LHFPL3: variants seen among roughly 807,000 people sequenced by gnomAD.
LHFPL3 encodes the protein LHFPL tetraspan subfamily member 3.
Under a neutral mutation model 19.3 loss-of-function variants are expected in LHFPL3, and 5 were observed. That is an observed-to-expected ratio of 0.26 (90% CI 0.14 to 0.54). LHFPL3 has a LOEUF of 0.54. Ranked by LOEUF, LHFPL3 falls within the 20% of genes least tolerant of loss-of-function variation. The pLI is 0.94. For missense variants in LHFPL3, 249 were observed against 307.4 expected, an observed-to-expected ratio of 0.81 and a Z score of 1.42; for synonymous variants, 133 against 126.2, an observed-to-expected ratio of 1.05 and a Z score of -0.36.
intron 2 of LHFPL3, among the ~76,000 whole-genome samples, chr7:104,806,183 TCTAA>T (rs1790358967): frequency 6.6e-6 from 1 of 152,246 alleles, no homozygotes; most frequent in African/African-American, 2.4e-5. Context: ...CTCATCTTTA[TCTAA>T]CTGACATTTA....
intron 1 of LHFPL3, among the ~76,000 whole-genome samples, chr7:104,404,619 G>A (rs1321235496): frequency 6.6e-6 from 1 of 152,180 alleles, no homozygotes; most frequent in African/African-American, 2.4e-5. Flanking sequence ...AAGACACACT[G>A]CAGTAGTCCA....
intron 1 of LHFPL3, among the ~76,000 whole-genome samples, chr7:104,694,478 A>G (rs1023580568): frequency 6.6e-6 from 1 of 152,242 alleles, no homozygotes. Flanking sequence ...TCGAATTAGC[A>G]TAGTTAACTC....
At chr7:104,346,336 GTTT>G (rs766835972) in intron 1 of LHFPL3, among the ~76,000 whole-genome samples, 1 of 140,292 alleles carries the variant, frequency 7.1e-6, no homozygotes, top group African/African-American at 2.7e-5. Flanking sequence ...AGTTATCAGG[GTTT>G]TTTTTTTTTT....
intron 1 of LHFPL3, among the ~76,000 whole-genome samples, chr7:104,575,471 T>C (rs1335578962): frequency 6.6e-6 from 1 of 150,864 alleles, no homozygotes; most frequent in Non-Finnish European, 1.5e-5. Context: ...AAAAGTGTTA[T>C]GTGCAATTTT....
At chr7:104,563,679 G>C (rs1171540999) in intron 1 of LHFPL3, among the ~76,000 whole-genome samples, 1 of 152,240 alleles carries the variant, frequency 6.6e-6, no homozygotes, top group South Asian at 2.1e-4. Flanking sequence ...GACCGGAGCT[G>C]TTCCTGTTCG....
At chr7:104,702,129 G>T (rs986057392) in intron 1 of LHFPL3, among the ~76,000 whole-genome samples, 10 of 151,818 alleles carry the variant, frequency 6.6e-5, no homozygotes, top group African/African-American at 1.9e-4. Context: ...TGCAGAGTTT[G>T]GTTTTCTGTT....
At chr7:104,344,014 T>C (rs934192786) in intron 1 of LHFPL3, among the ~76,000 whole-genome samples, 1 of 152,212 alleles carries the variant, frequency 6.6e-6, no homozygotes, top group Non-Finnish European at 1.5e-5. Flanking sequence ...TTGCAAATAC[T>C]AATTAGATTA....
At chr7:104,746,114 C>T (rs903472743) in intron 2 of LHFPL3, among the ~76,000 whole-genome samples, 2 of 152,102 alleles carry the variant, frequency 1.3e-5, no homozygotes, top group Admixed American at 6.5e-5. Flanking sequence ...AGTTTGAGAC[C>T]ACCTTGGCCA....
chr7:104,329,198 T>C lies in LHFPL3; in HGVS notation c.419T>C (p.Ile140Thr), dbSNP rs1405278707. 1.2e-6 allele frequency: 2 copies of C among 1,610,888 alleles called. No homozygotes were observed. Among genetic ancestry groups the C allele is most frequent in the Non-Finnish European group, 1.7e-6 (2 of 1,177,538 alleles). ...FFCNTATVYK[I>T]CAWMQLTSAA... is the part of the protein sequence containing the mutation. ...TGCAACACGGCCACTGTGTACAAGA[T>C]ATGTGCCTGGATGCAGCTCACCTCC... is the stretch of plus-strand genomic sequence containing the variant. Residue 140 changes from isoleucine (I) to threonine (T), a missense_variant, in exon 1 of 3, where the codon ATA (isoleucine) becomes ACA (threonine). Transcript: ENST00000424859.
At chr7:104,687,304 A>C (rs1792825150) in intron 1 of LHFPL3, among the ~76,000 whole-genome samples, 1 of 152,222 alleles carries the variant, frequency 6.6e-6, no homozygotes, top group Admixed American at 6.5e-5. Flanking sequence ...CCTCTCTGGG[A>C]GGACCACCCT....
chr7:104,490,289 G>A (rs1793317047), intron 1 of LHFPL3, among the ~76,000 whole-genome samples: 2 of 152,030 alleles, frequency 1.3e-5, no homozygotes, highest in African/African-American at 4.8e-5. Context: ...TTATCCTTTT[G>A]GGTACATCTG....
chr7:104,718,012 T>C (rs756213257), intron 1 of LHFPL3, among the ~76,000 whole-genome samples: 7 of 152,152 alleles, frequency 4.6e-5, no homozygotes, highest in Non-Finnish European at 7.4e-5. Flanking sequence ...TGCAATACCA[T>C]AGATAAATCT....
At chr7:104,473,274 A>G (rs1045656413) in intron 1 of LHFPL3, among the ~76,000 whole-genome samples, 19 of 152,198 alleles carry the variant, frequency 1.2e-4, no homozygotes, top group Non-Finnish European at 2.6e-4. Flanking sequence ...TGGCTTTTCT[A>G]AAGTTTTCCC....
intron 2 of LHFPL3, among the ~76,000 whole-genome samples, chr7:104,847,903 A>C (rs1252821628): frequency 6.6e-6 from 1 of 152,250 alleles, no homozygotes; most frequent in Non-Finnish European, 1.5e-5. Flanking sequence ...AGCCGAATAC[A>C]CAACTTTTTC....
chr7:104,732,672 C>T (rs1296088718), intron 1 of LHFPL3, among the ~76,000 whole-genome samples: 1 of 152,120 alleles, frequency 6.6e-6, no homozygotes, highest in Middle Eastern at 3.2e-3. Flanking sequence ...TTTCAAAAAA[C>T]CAGCTCCTGG....
intron 1 of LHFPL3, among the ~76,000 whole-genome samples, chr7:104,657,801 C>A (rs1329847536): frequency 6.6e-6 from 1 of 152,234 alleles, no homozygotes; most frequent in Admixed American, 6.5e-5. Context: ...TTTAAACTCT[C>A]TTTCCCACTC....
intron 1 of LHFPL3, among the ~76,000 whole-genome samples, chr7:104,429,484 TG>T (rs61216825): frequency 0.055 from 8,210 of 149,168 alleles, 782 homozygotes; most frequent in African/African-American, 0.19. Context: ...TTTTTTGTTT[TG>T]TTTTTTTTTT....
chr7:104,408,882 T>TTTTTTTTTTTA, intron 1 of LHFPL3, among the ~76,000 whole-genome samples: 1 of 147,666 alleles, frequency 6.8e-6, no homozygotes, highest in Admixed American at 6.8e-5. Flanking sequence ...TTTTTTTTTT[T>TTTTTTTTTTTA]GAGACGGAGT....
intron 1 of LHFPL3, among the ~76,000 whole-genome samples, chr7:104,509,278 GGAAA>G (rs1793763916): frequency 6.8e-6 from 1 of 147,754 alleles, no homozygotes; most frequent in Non-Finnish European, 1.5e-5. Context: ...AAAAAAAAAA[GGAAA>G]GAAAGACAGA....
Sources: gnomAD v4.1 joint callset for allele counts (sites outside exome capture counted in the v4.1 genomes callset) on GRCh38, gnomAD v4.1.1 for gene constraint, MANE v1.5 for transcripts, NCBI Gene and HGNC (gene_info 2026-07-23, HGNC 2026-07-21) for gene names.